F8: variants seen among roughly 807,000 people sequenced by gnomAD.
F8 encodes coagulation factor VIII, also known as antihemophilic factor.
F8 carries 12 observed loss-of-function variants against 140.6 expected under a neutral mutation model. That is an observed-to-expected ratio of 0.09 (90% confidence interval 0.05 to 0.14). The LOEUF is 0.14. Among genes scored for constraint, F8 ranks in the 10% least tolerant of loss-of-function variants. The pLI, the probability that F8 is intolerant of heterozygous loss-of-function variation, is 1.00. For synonymous variants in F8, 585 were observed against 614.6 expected (o/e 0.95, Z 0.71); for missense variants, 1,354 against 1,720.7 (o/e 0.79, Z 3.77).
intron 22 of F8, among the ~76,000 whole-genome samples, chrX:154,881,539 G>A (rs1268113838): frequency 1.8e-5 from 2 of 112,092 alleles, no homozygotes; most frequent in African/African-American, 6.6e-5. Flanking sequence ...GGTTCAACAT[G>A]TGAAAATCAA....
chrX:154,872,021 C>T (rs28864518), intron 22 of F8, among the ~76,000 whole-genome samples: 56,374 of 110,737 alleles, frequency 0.51, 12,696 homozygotes, highest in African/African-American at 0.89. Context: ...CCAGTTAGAA[C>T]GGTGATCATT....
At chrX:154,993,336 C>T (rs1166729541) in intron 3 of F8, among the ~76,000 whole-genome samples, 188 bp from the exon 4 acceptor site, 1 of 111,862 alleles carries the variant, frequency 8.9e-6, no homozygotes, top group African/African-American at 3.2e-5. Flanking sequence ...CTCACAGCAA[C>T]GTCCGCCTCC....
intron 14 of F8, among the ~76,000 whole-genome samples, chrX:154,918,195 T>C (rs1363006715): frequency 9.0e-6 from 1 of 111,627 alleles, no homozygotes; most frequent in Admixed American, 9.5e-5. Flanking sequence ...TTACTGCCTA[T>C]TCCCGATTTG....
intron 1 of F8, among the ~76,000 whole-genome samples, 185 bp from the exon 2 acceptor site, chrX:154,999,785 T>C (rs1244581865): frequency 8.9e-6 from 1 of 112,521 alleles, no homozygotes; most frequent in Non-Finnish European, 1.9e-5. Flanking sequence ...TTAGGTGCCA[T>C]ATGATAAGAA....
intron 9 of F8, among the ~76,000 whole-genome samples, chrX:154,963,336 G>A (rs1358029187): frequency 7.1e-5 from 8 of 111,957 alleles, no homozygotes; most frequent in Non-Finnish European, 1.5e-4. Context: ...ATTTTGGGCT[G>A]AGACAATGGT....
At chrX:154,870,454 T>C (rs2072764497) in intron 22 of F8, among the ~76,000 whole-genome samples, 1 of 112,091 alleles carries the variant, frequency 8.9e-6, no homozygotes, top group South Asian at 3.7e-4. Flanking sequence ...ACCACATGAT[T>C]ATCTCAATAG....
At chrX:154,907,097 C>T (rs1437361429) in intron 14 of F8, among the ~76,000 whole-genome samples, 2 of 112,149 alleles carry the variant, frequency 1.8e-5, no homozygotes, top group African/African-American at 6.5e-5. Flanking sequence ...TCTCCCTTCC[C>T]ACTGAAGGTA....
At chrX:154,955,351 G>A (rs1236672165) in intron 11 of F8, among the ~76,000 whole-genome samples, 2 of 89,105 alleles carry the variant, frequency 2.2e-5, no homozygotes, top group African/African-American at 8.9e-5. Flanking sequence ...TGTAGACAAG[G>A]TCTTACTATT....
intron 10 of F8, among the ~76,000 whole-genome samples, chrX:154,957,388 G>C (rs1435183732): frequency 1.8e-5 from 2 of 111,488 alleles, no homozygotes; most frequent in Non-Finnish European, 3.8e-5. Flanking sequence ...CTGTGAAAGT[G>C]TCAGGCCTGA....
Position 154,928,691 on chromosome X carries a change from T to C in F8, c.5099A>G (p.Asp1700Gly). ...GCGGGGGCTCTGATTTTCATCCTCA[T>C]CATAAATGTCAAAATCTTCCTTCTT... ...EMKKEDFDIY[D>G]EDENQSPRSF... The change falls in exon 14 of 26, where the codon GAT (aspartate) becomes GGT (glycine). Residue 1700 changes from aspartate (D) to glycine (G), a missense_variant. By Grantham distance (94) the Asp-to-Gly change is moderately conservative (BLOSUM62 -1). Around this residue, in one of 4 missense-constraint regions of F8, gnomAD observed 658 missense variants for 666.5 expected, o/e 0.99. Transcript: ENST00000360256. 2 of 1,209,354 alleles carry C rather than the reference T, an allele frequency of 1.7e-6. No homozygotes were observed. Among genetic ancestry groups the C allele is most frequent in the South Asian group, 3.5e-5 (2 of 56,364 alleles).
At chrX:154,860,201 T>C (rs2072678995) in intron 25 of F8, among the ~76,000 whole-genome samples, 1 of 111,660 alleles carries the variant, frequency 9.0e-6, no homozygotes, top group South Asian at 3.8e-4. Context: ...AAGGTGCTGA[T>C]GAGGAGAATT....
intron 14 of F8, among the ~76,000 whole-genome samples, chrX:154,908,520 T>C (rs2073049434): frequency 1.8e-5 from 2 of 112,394 alleles, no homozygotes; most frequent in African/African-American, 3.2e-5. Context: ...ACTGAATCTA[T>C]AAATCAGTTT....
chrX:154,904,605 C>T (rs933517867), intron 16 of F8, 81 bp from the exon 17 acceptor site: 55 of 890,520 alleles, frequency 6.2e-5, no homozygotes, highest in Non-Finnish European at 8.9e-5. Context: ...AATTTTTATG[C>T]CAGTCCAACC....
chrX:154,903,834 G>T, intron 18 of F8, 72 bp downstream of exon 18: 1 of 941,674 alleles, frequency 1.1e-6, no homozygotes, highest in Non-Finnish European at 1.5e-6. Flanking sequence ...TGTGTTCCCA[G>T]TGCCTAGACC....
Position 154,999,666 on chromosome X carries a change from C to T in F8, c.144-66G>A. ...CTTCAAAAAGCAGCTGGAAGTAATG[C>T]TTCCATACTACTCTTTTCTACTATT... On this transcript the variant is annotated intron_variant, in intron 1 of 25. Coordinates refer to ENST00000360256, the MANE Select transcript of F8 (RefSeq NM_000132.4). The T allele has an allele frequency of 3.5e-6, 4 of 1,143,471 alleles. No individual in the cohort carries two copies. In the South Asian group the frequency reaches 7.2e-5, roughly 21 times the overall value. 94.2% of individuals were successfully genotyped at this position (1,143,471 alleles called of 1,213,427 possible).
intron 1 of F8, among the ~76,000 whole-genome samples, chrX:155,021,266 C>T (rs1346462237): frequency 9.0e-6 from 1 of 110,591 alleles, no homozygotes; most frequent in Non-Finnish European, 1.9e-5. Flanking sequence ...ACTGGGGTTA[C>T]CTAGCTGAGG....
intron 6 of F8, among the ~76,000 whole-genome samples, chrX:154,975,737 G>A (rs2073481533): frequency 8.9e-6 from 1 of 112,010 alleles, no homozygotes. Context: ...TATTAGGTTG[G>A]TGCAAAAGTA....
chrX:154,848,674 G>T (rs1430762562), intron 25 of F8, among the ~76,000 whole-genome samples: 1 of 111,848 alleles, frequency 8.9e-6, no homozygotes, highest in South Asian at 3.7e-4. Flanking sequence ...AATTTTCCAG[G>T]TGCCATCTGT....
At chrX:154,841,558 A>G (rs1333969814) in intron 25 of F8, among the ~76,000 whole-genome samples, 1 of 111,080 alleles carries the variant, frequency 9.0e-6, no homozygotes, top group Non-Finnish European at 1.9e-5. Flanking sequence ...GCAAGCTTGA[A>G]AAATTTTAAA....
Sources: gnomAD v4.1 joint callset for allele counts (sites outside exome capture counted in the v4.1 genomes callset) on GRCh38, gnomAD v4.1.1 for gene constraint, gnomAD v4.1.1 regional missense constraint, MANE v1.5 for transcripts, NCBI Gene and HGNC (gene_info 2026-07-23, HGNC 2026-07-21) for gene names.